Variants in FHIT observed in about 807,000 individuals in gnomAD.
FHIT encodes fragile histidine triad diadenosine triphosphatase.
In FHIT, 19 loss-of-function variants were observed where a neutral mutation model predicts 17.9. The observed-to-expected ratio is 1.06, with a 90% confidence interval of 0.74 to 1.56. The LOEUF (loss-of-function observed/expected upper bound fraction) is 1.56. Among genes scored for constraint, FHIT ranks in the 40% most tolerant of loss-of-function variants. The pLI, the probability that FHIT is intolerant of heterozygous loss-of-function variation, is 0.00. For synonymous variants in FHIT, 81 were observed against 69.7 expected, an observed-to-expected ratio of 1.16 and a Z score of -0.81; for missense variants, 248 against 189.2, an observed-to-expected ratio of 1.31 and a Z score of -1.82.
At chr3:59,968,201 T>A (rs973575669) in intron 7 of FHIT, among the ~76,000 whole-genome samples, 2 of 152,228 alleles carry the variant, frequency 1.3e-5, no homozygotes, top group African/African-American at 4.8e-5. Context: ...GTACCCACCA[T>A]TGACCTTAAC....
chr3:60,168,392 G>T (rs1347168123), intron 5 of FHIT, among the ~76,000 whole-genome samples: 1 of 152,112 alleles, frequency 6.6e-6, no homozygotes, highest in East Asian at 1.9e-4. Context: ...CCTGTTAATG[G>T]ATCTCTGCCA....
At chr3:59,991,402 T>C (rs1709227469) in intron 7 of FHIT, among the ~76,000 whole-genome samples, 1 of 152,092 alleles carries the variant, frequency 6.6e-6, no homozygotes, top group Non-Finnish European at 1.5e-5. Flanking sequence ...GCAATGTAAA[T>C]GATCCTGATA....
chr3:61,036,901 G>GTTTTGTTTTTTTTTTTT (rs1553807361), intron 3 of FHIT, among the ~76,000 whole-genome samples: 3 of 70,310 alleles, frequency 4.3e-5, no homozygotes, highest in Admixed American at 1.8e-4. Flanking sequence ...AGTCTGCTTT[G>GTTTTGTTTTTTTTTTTT]TTTTTTTTTT....
chr3:59,898,442 TTGTGTGTG>T lies in FHIT; in HGVS notation c.348+23896_348+23903del, dbSNP rs3075168. 2.3e-4 allele frequency among the ~76,000 whole-genome samples: 33 copies of T among 145,950 alleles called. 1 individual carries two copies. Among genetic ancestry groups the T allele is most frequent in the African/African-American group, 6.7e-4 (27 of 40,346 alleles). On this transcript the variant is annotated intron_variant, in intron 8 of 9. Coordinates refer to ENST00000492590, the MANE Select transcript of FHIT (RefSeq NM_002012.4). ...TGTATATATGTGTGCGTGTGTATGTTTGTGTGTGTGTGTGTGTGTGTGTGTGTGTGTGT... is the reference window on the plus strand; with the variant it reads ...TGTATATATGTGTGCGTGTGTATGTTTGTGTGTGTGTGTGTGTGTGTGTGT...
intron 5 of FHIT, among the ~76,000 whole-genome samples, chr3:60,014,608 G>C (rs1401096181): frequency 6.6e-6 from 1 of 152,190 alleles, no homozygotes; most frequent in Non-Finnish European, 1.5e-5. Flanking sequence ...TCTCTTTAGA[G>C]AAATAAGAAA....
At chr3:60,136,993 A>G (rs1031533167) in intron 5 of FHIT, among the ~76,000 whole-genome samples, 2 of 152,212 alleles carry the variant, frequency 1.3e-5, no homozygotes, top group Non-Finnish European at 2.9e-5. Flanking sequence ...AATATTCACT[A>G]GGAAAAATTT....
chr3:60,218,115 AAT>A (rs990947321), intron 5 of FHIT, among the ~76,000 whole-genome samples: 3 of 152,158 alleles, frequency 2.0e-5, no homozygotes, highest in Non-Finnish European at 4.4e-5. Flanking sequence ...GGCAAATATC[AAT>A]AGATTTAACA....
At chr3:60,110,045 G>C (rs921691431) in intron 5 of FHIT, among the ~76,000 whole-genome samples, 1 of 152,120 alleles carries the variant, frequency 6.6e-6, no homozygotes, top group Non-Finnish European at 1.5e-5. Flanking sequence ...CACTCAGTTA[G>C]GCCTAAATTA....
rs1702389186 is a variant in FHIT, at chr3:60,191,232, A to C, written c.104-177080T>G. On this transcript the variant is annotated intron_variant, in intron 5 of 9. Transcript: ENST00000492590. ...AATGCCAACAACCCAAAGTGATAAA[A>C]AATTAAGAACAGAATTTATACAAAA... Among the ~76,000 whole-genome samples the C allele has an allele frequency of 2.6e-5, 4 of 152,314 alleles. No homozygotes were observed. In the Middle Eastern group the frequency reaches 0.01, roughly 389 times the overall value.
At chr3:59,857,033 C>T (rs1702187230) in intron 8 of FHIT, among the ~76,000 whole-genome samples, 1 of 152,232 alleles carries the variant, frequency 6.6e-6, no homozygotes, top group Non-Finnish European at 1.5e-5. Flanking sequence ...ATCGCAGTCT[C>T]TGAATACTGA....
intron 2 of FHIT, among the ~76,000 whole-genome samples, chr3:61,186,598 G>C (rs2038520714): frequency 6.6e-6 from 1 of 152,172 alleles, no homozygotes; most frequent in Non-Finnish European, 1.5e-5. Context: ...GGGATGCTGA[G>C]AGATATGTTT....
At chr3:59,860,562 A>G (rs78362727) in intron 8 of FHIT, among the ~76,000 whole-genome samples, 10,216 of 152,278 alleles carry the variant, frequency 0.067, 789 homozygotes, top group East Asian at 0.45. Flanking sequence ...CACCCTTAAG[A>G]CACAGGTATT....
chr3:60,420,436 CAA>C, intron 5 of FHIT, among the ~76,000 whole-genome samples: 1 of 152,160 alleles, frequency 6.6e-6, no homozygotes, highest in Admixed American at 6.5e-5. Context: ...GAATAATTCA[CAA>C]AGAGATTACT....
chr3:60,493,653 T>TA (rs1303517825), intron 5 of FHIT, among the ~76,000 whole-genome samples: 2 of 152,094 alleles, frequency 1.3e-5, no homozygotes, highest in African/African-American at 4.8e-5. Context: ...GACATGGACA[T>TA]AAAGAAAAAA....
At chr3:60,477,370 TGAGAGAG>T (rs2033398722) in intron 5 of FHIT, among the ~76,000 whole-genome samples, 1 of 152,188 alleles carries the variant, frequency 6.6e-6, no homozygotes, top group Admixed American at 6.6e-5. Flanking sequence ...ACTTTTCTTT[TGAGAGAG>T]ATGCAGAGAG....
At position 60,752,758 on chromosome 3, in the gene FHIT, T is replaced by C. The variant is rs544414429; in HGVS notation, c.-18+69161A>G. On this transcript the variant is annotated intron_variant, in intron 4 of 9. Coordinates refer to ENST00000492590, the MANE Select transcript of FHIT (RefSeq NM_002012.4). ...CTTAACTTTTTAAGAAATCAGTCAC[T>C]GGTTTATCTCCCAATTCTATCACCC... Among the ~76,000 whole-genome samples the C allele has an allele frequency of 1.6e-3, 247 of 152,294 alleles. 1 individual carries two copies. The highest frequency in any genetic ancestry group is 5.6e-3 in the African/African-American group (231 of 41,562).
At chr3:61,036,426 G>A (rs2033243525) in intron 3 of FHIT, among the ~76,000 whole-genome samples, 1 of 152,012 alleles carries the variant, frequency 6.6e-6, no homozygotes, top group Admixed American at 6.6e-5. Context: ...CTAACCGAGT[G>A]TTCAGATTGT....
At chr3:60,946,466 T>C (rs1165063797) in intron 3 of FHIT, among the ~76,000 whole-genome samples, 1 of 152,134 alleles carries the variant, frequency 6.6e-6, no homozygotes, top group Non-Finnish European at 1.5e-5. Flanking sequence ...ACTTCCTAGA[T>C]TGTGAACCAT....
At chr3:61,204,073 A>G (rs1294280989) in intron 1 of FHIT, among the ~76,000 whole-genome samples, 1 of 152,260 alleles carries the variant, frequency 6.6e-6, no homozygotes. Context: ...ATATAATGTA[A>G]AACAAAAGAA....
Sources: gnomAD v4.1 joint callset for allele counts (sites outside exome capture counted in the v4.1 genomes callset) on GRCh38, gnomAD v4.1.1 for gene constraint, MANE v1.5 for transcripts, NCBI Gene and HGNC (gene_info 2026-07-23, HGNC 2026-07-21) for gene names.